RFX7: variants seen among roughly 807,000 people sequenced by gnomAD.
RFX7 encodes the protein DNA-binding protein RFX7.
A neutral mutation model predicts 111.8 loss-of-function variants in RFX7; 26 were observed. The observed-to-expected ratio is 0.23, with a 90% CI of 0.17 to 0.32. The LOEUF (loss-of-function observed/expected upper bound fraction) is 0.32, where lower values mean the gene tolerates loss of function less well. Ranked by LOEUF, RFX7 falls within the 10% of genes least tolerant of loss-of-function variation. The pLI, the probability that RFX7 is intolerant of heterozygous loss-of-function variation, is 1.00. For missense variants in RFX7, 1,573 were observed against 1,772.9 expected (o/e 0.89, Z 2.02); for synonymous variants, 624 against 624.4 (o/e 1.00, Z 0.01).
At position 56,092,248 on chromosome 15, in the gene RFX7, G is replaced by A. The variant is rs2041605448; in HGVS notation, c.*1097C>T. ...TTTCATCAGAGATATAAAGATTTGT[G>A]GCTTCAGACCTTAGGTGGTGAAATG... On this transcript the variant is annotated 3_prime_UTR_variant, in exon 10 of 10. Coordinates refer to ENST00000559447, the MANE Select transcript of RFX7 (RefSeq NM_022841.7). 6.6e-6 allele frequency: 1 copy of A among 152,408 alleles called. No homozygotes were observed. Among genetic ancestry groups the A allele is most frequent in the South Asian group, 2.1e-4 (1 of 4,816 alleles). The allele number at this position is 152,408 out of a possible 1,614,324, so 9.4% of individuals were successfully genotyped here. A position where few individuals can be genotyped will look rare whatever the true frequency, so the allele number is the denominator to read the frequency against.
At chr15:56,183,847 T>G (rs2043003702) in intron 2 of RFX7, among the ~76,000 whole-genome samples, 1 of 152,214 alleles carries the variant, frequency 6.6e-6, no homozygotes, top group Non-Finnish European at 1.5e-5. Flanking sequence ...AATCTGTCCT[T>G]AAAATGTCAT....
At chr15:56,154,429 A>T (rs1338587751) in intron 3 of RFX7, among the ~76,000 whole-genome samples, 1 of 152,226 alleles carries the variant, frequency 6.6e-6, no homozygotes, top group Admixed American at 6.5e-5. Flanking sequence ...GTGCCAAAAC[A>T]AATATACAGA....
At chr15:56,113,394 C>A (rs1467858558) in intron 5 of RFX7, among the ~76,000 whole-genome samples, 5 of 152,282 alleles carry the variant, frequency 3.3e-5, no homozygotes, top group African/African-American at 1.2e-4. Flanking sequence ...CAAACTAATG[C>A]AGGAACAGAA....
intron 2 of RFX7, among the ~76,000 whole-genome samples, chr15:56,182,877 T>C (rs2042990191): frequency 6.6e-6 from 1 of 152,120 alleles, no homozygotes; most frequent in Non-Finnish European, 1.5e-5. Context: ...CTAGGGCTTA[T>C]AAATGATTTT....
chr15:56,090,396 A>T lies in RFX7; in HGVS notation c.*2949T>A, dbSNP rs2041582185. 6.6e-6 allele frequency: 1 copy of T among 152,314 alleles called. No homozygotes were observed. The highest frequency in any genetic ancestry group is 2.4e-5 in the African/African-American group (1 of 41,456). 9.4% of individuals were successfully genotyped at this position (152,314 alleles called of 1,614,324 possible). ...CTGGATTAATAGCACACAGCAGATC[A>T]GCAGCACTGTTCTGCCTTCTGCTCA... On this transcript the variant is annotated 3_prime_UTR_variant, in exon 10 of 10. Transcript: ENST00000559447.
At chr15:56,167,403 G>A (rs1019373464) in intron 3 of RFX7, among the ~76,000 whole-genome samples, 4 of 152,108 alleles carry the variant, frequency 2.6e-5, no homozygotes, top group Non-Finnish European at 2.9e-5. Context: ...AAGGGGACTC[G>A]GTAATATAGA....
intron 2 of RFX7, among the ~76,000 whole-genome samples, chr15:56,204,088 G>A (rs1171996723): frequency 7.0e-6 from 1 of 143,240 alleles, no homozygotes; most frequent in African/African-American, 2.6e-5. Flanking sequence ...TGGCCCAATC[G>A]TGGCTCATTG....
rs2041582420 is a variant in RFX7 at position 56,090,421 on chromosome 15, A to ATTT, written c.*2921_*2923dup. 6.6e-6 allele frequency: 1 copy of ATTT among 152,392 alleles called. No homozygotes were observed. The highest frequency in any genetic ancestry group is 6.6e-5 in the Admixed American group (1 of 15,262). The allele number at this position is 152,392 out of a possible 1,614,324, so 9.4% of individuals were successfully genotyped here. On this transcript the variant is annotated 3_prime_UTR_variant, in exon 10 of 10. Coordinates refer to ENST00000559447, the MANE Select transcript of RFX7 (RefSeq NM_022841.7). ...AGCAGCACTGTTCTGCCTTCTGCTC[A>ATTT]TTTTTATTCACTCCCTAAAGTTAAT...
chr15:56,139,350 CT>C (rs2042353858), intron 5 of RFX7, among the ~76,000 whole-genome samples: 2 of 152,150 alleles, frequency 1.3e-5, no homozygotes, highest in African/African-American at 2.4e-5. Context: ...TCCCTTCTCG[CT>C]TCATTTCATT....
At chr15:56,131,088 T>C (rs2042205787) in intron 5 of RFX7, among the ~76,000 whole-genome samples, 1 of 150,356 alleles carries the variant, frequency 6.7e-6, no homozygotes, top group Admixed American at 6.6e-5. Context: ...AACCCTGATA[T>C]CAAAACCTGA....
intron 5 of RFX7, among the ~76,000 whole-genome samples, chr15:56,125,171 G>C (rs186665810): frequency 6.6e-5 from 10 of 152,238 alleles, no homozygotes; most frequent in Admixed American, 2.0e-4. Flanking sequence ...TGTAGATTGT[G>C]GATTAACTTT....
chr15:56,119,691 C>A (rs1479278453), intron 5 of RFX7, among the ~76,000 whole-genome samples: 2 of 150,656 alleles, frequency 1.3e-5, no homozygotes, highest in African/African-American at 2.4e-5. Flanking sequence ...GCAGGAGAAT[C>A]GCGTGAACCT....
At chr15:56,229,344 C>A (rs78333654) in intron 2 of RFX7, among the ~76,000 whole-genome samples, 6 of 151,968 alleles carry the variant, frequency 3.9e-5, no homozygotes, top group Non-Finnish European at 7.4e-5. Flanking sequence ...CGGCTCACTG[C>A]GAGCTCCGCC....
chr15:56,238,891 TG>T (rs1255820392), intron 2 of RFX7, among the ~76,000 whole-genome samples: 1 of 152,162 alleles, frequency 6.6e-6, no homozygotes, highest in East Asian at 1.9e-4. Context: ...TGGAGTGCAG[TG>T]GCATGATCTC....
chr15:56,121,708 A>C (rs1429983781), intron 5 of RFX7, among the ~76,000 whole-genome samples: 3 of 151,788 alleles, frequency 2.0e-5, no homozygotes, highest in African/African-American at 7.3e-5. Flanking sequence ...GGTGTGCTTC[A>C]TTCTTTTTTT....
chr15:56,227,106 CA>C (rs1258764064), intron 2 of RFX7, among the ~76,000 whole-genome samples: 1 of 152,168 alleles, frequency 6.6e-6, no homozygotes, highest in African/African-American at 2.4e-5. Context: ...ACACTGGCAC[CA>C]AATATGGCCA....
intron 9 of RFX7, 94 bp from the exon 10 acceptor site, chr15:56,096,714 G>A: frequency 7.5e-7 from 1 of 1,340,790 alleles, no homozygotes; most frequent in Non-Finnish European, 9.9e-7. Flanking sequence ...TTTATTAAAT[G>A]TTAATGTTAA....
chr15:56,219,390 G>T (rs2043400673), intron 2 of RFX7, among the ~76,000 whole-genome samples: 1 of 151,996 alleles, frequency 6.6e-6, no homozygotes, highest in Non-Finnish European at 1.5e-5. Context: ...TTTTATTTTA[G>T]ATTCAGGGGT....
chr15:56,220,484 G>C (rs12914640), intron 2 of RFX7, among the ~76,000 whole-genome samples: 1 of 151,724 alleles, frequency 6.6e-6, no homozygotes, highest in African/African-American at 2.4e-5. Flanking sequence ...CACCCGCCTC[G>C]GCCTCTCAAA....
Sources: gnomAD v4.1 joint callset for allele counts (sites outside exome capture counted in the v4.1 genomes callset) on GRCh38, gnomAD v4.1.1 for gene constraint, MANE v1.5 for transcripts, NCBI Gene and HGNC (gene_info 2026-07-23, HGNC 2026-07-21) for gene names.